TBCD: variants seen among roughly 807,000 people sequenced by gnomAD.
The protein encoded by TBCD is tubulin-specific chaperone D.
Under a neutral mutation model 169.3 loss-of-function variants are expected in TBCD, and 105 were observed. That is an observed-to-expected ratio of 0.62 (90% confidence interval 0.53 to 0.73). The LOEUF (loss-of-function observed/expected upper bound fraction) is 0.73. Ranked by LOEUF, TBCD falls within the 30% of genes least tolerant of loss-of-function variation. The probability of loss-of-function intolerance (pLI) is 0.00; values close to 1 mark genes in which losing one functional copy is unlikely to be tolerated. For missense variants in TBCD, 1,444 were observed against 1,600.1 expected (o/e 0.90, Z 1.66); for synonymous variants, 700 against 643.9 (o/e 1.09, Z -1.32).
In TBCD at chr17:82,752,105, T is replaced by A; in HGVS notation, c.-89T>A. ...CGCCTTAGCGGGCGCCTCCTTTTCATCCCTCATCCTTCATCCCTGGCTTTC... is the reference window on the plus strand; with the variant it reads ...CGCCTTAGCGGGCGCCTCCTTTTCAACCCTCATCCTTCATCCCTGGCTTTC... On this transcript the variant is annotated 5_prime_UTR_variant, in exon 1 of 39. Coordinates refer to ENST00000355528, the MANE Select transcript of TBCD (RefSeq NM_005993.5). The A allele has an allele frequency of 7.5e-7, 1 of 1,333,842 alleles. No individual in the cohort carries two copies. Among genetic ancestry groups the A allele is most frequent in the Non-Finnish European group, 9.7e-7 (1 of 1,030,562 alleles). The allele number at this position is 1,333,842 out of a possible 1,614,324, so 82.6% of individuals were successfully genotyped here. A position where few individuals can be genotyped will look rare whatever the true frequency, so the allele number is the denominator to read the frequency against.
chr17:82,806,622 A>T lies in TBCD; in HGVS notation c.1087+611A>T, dbSNP rs1021092008. ...CATGTCCCCTCCCTGTGAGGCCCCC[A>T]TCCTCCCAGTATCTCCCAGCTTCCT... On this transcript the variant is annotated intron_variant, in intron 10 of 38. Transcript: ENST00000355528. This position sits in a 1 kb window ranked among gnomAD's most constrained non-coding sequence, Gnocchi z 5.1. 2.1e-4 allele frequency among the ~76,000 whole-genome samples: 32 copies of T among 151,712 alleles called. No individual in the cohort carries two copies. Among genetic ancestry groups the T allele is most frequent in the African/African-American group, 7.5e-4 (31 of 41,276 alleles).
intron 37 of TBCD, among the ~76,000 whole-genome samples, chr17:82,940,517 A>G (rs1353684295): frequency 6.6e-6 from 1 of 152,132 alleles, no homozygotes; most frequent in Non-Finnish European, 1.5e-5. Context: ...TGACCTTCCA[A>G]CAGGGCTGGG....
intron 8 of TBCD, 26 bp downstream of exon 8, chr17:82,797,828 A>G: frequency 6.5e-7 from 1 of 1,548,668 alleles, no homozygotes; most frequent in Non-Finnish European, 8.7e-7. Context: ...AAGAGACGAT[A>G]TCTTTGTGAT....
At chr17:82,883,570 G>A (rs1296824058) in intron 14 of TBCD, among the ~76,000 whole-genome samples, 1 of 152,228 alleles carries the variant, frequency 6.6e-6, no homozygotes, top group African/African-American at 2.4e-5. Flanking sequence ...CTGCCACTCT[G>A]TGGAAGGGGC....
chr17:82,753,823 G>C lies in TBCD; in HGVS notation c.184+1446G>C, dbSNP rs1433134993. Among the ~76,000 whole-genome samples, 5 of 151,146 alleles carry C rather than the reference G, an allele frequency of 3.3e-5. No individual in the cohort carries two copies. The South Asian group carries it at 8.4e-4, about 25-fold the overall frequency. ...AGGGCAGGGGAGTTGCCATGGAGAA[G>C]ATTTAGTTCACGCAGAGCCGGTTGA... On this transcript the variant is annotated intron_variant, in intron 1 of 38. Coordinates refer to ENST00000355528, the MANE Select transcript of TBCD (RefSeq NM_005993.5).
Position 82,802,395 on chromosome 17 carries a change from C to G in TBCD, c.950+1399C>G, listed in dbSNP as rs542404844. 3.9e-5 allele frequency among the ~76,000 whole-genome samples: 6 copies of G among 152,238 alleles called. No individual in the cohort carries two copies. In the East Asian group the frequency reaches 1.2e-3, roughly 30 times the overall value. On this transcript the variant is annotated intron_variant, in intron 9 of 38. Coordinates refer to ENST00000355528, the MANE Select transcript of TBCD (RefSeq NM_005993.5). ...TGCAGTGTTGGGTGTGCAGCTCACT[C>G]TGTAGGAAGTTGCTCATTAGGCACA...
intron 13 of TBCD, chr17:82,830,681 C>T (rs759704231): frequency 1.2e-6 from 2 of 1,613,970 alleles, no homozygotes; most frequent in African/African-American, 2.7e-5. Context: ...TCCTGCAGCT[C>T]TGAGAAGCTG....
Position 82,868,217 on chromosome 17 carries a change from G to A in TBCD, c.1319-2007G>A, listed in dbSNP as rs546626198. On this transcript the variant is annotated intron_variant, in intron 13 of 38. Coordinates refer to ENST00000355528, the MANE Select transcript of TBCD (RefSeq NM_005993.5). ...ACCCAAGGAGAGGGCTGGCCATGGC[G>A]GGGGCACCACACCGGAGGACAGCTC... 2.0e-5 allele frequency among the ~76,000 whole-genome samples: 3 copies of A among 152,304 alleles called. 1 individual carries two copies. The highest frequency in any genetic ancestry group is 2.0e-4 in the Admixed American group (3 of 15,300).
At chr17:82,797,132 A>G (rs2144608151) in intron 7 of TBCD, among the ~76,000 whole-genome samples, 1 of 152,394 alleles carries the variant, frequency 6.6e-6, no homozygotes, top group South Asian at 2.1e-4. Flanking sequence ...ACTTTAAAGC[A>G]GAAGGTAAAA....
intron 13 of TBCD, among the ~76,000 whole-genome samples, chr17:82,822,537 G>A (rs1190112230): frequency 6.6e-6 from 1 of 152,182 alleles, no homozygotes; most frequent in Non-Finnish European, 1.5e-5. Context: ...GCACAGAAAA[G>A]CGCCTGGGGG....
intron 25 of TBCD, 70 bp downstream of exon 25, chr17:82,921,647 G>A: frequency 6.9e-7 from 1 of 1,449,038 alleles, no homozygotes; most frequent in Non-Finnish European, 9.7e-7. Context: ...GATGGTGTTT[G>A]TGTTGGCGAC....
chr17:82,941,354 T>TCC, intron 37 of TBCD, 45 bp from the exon 38 acceptor site: 1 of 1,522,994 alleles, frequency 6.6e-7, no homozygotes, highest in Non-Finnish European at 8.8e-7. Context: ...CCTGAGGTTC[T>TCC]CCGGTGGGCA....
At chr17:82,897,277 T>G (rs1220592712) in intron 17 of TBCD, among the ~76,000 whole-genome samples, 1 of 152,070 alleles carries the variant, frequency 6.6e-6, no homozygotes, top group Non-Finnish European at 1.5e-5. Context: ...GCCAGCACTT[T>G]GGGAGACCCA....
intron 22 of TBCD, among the ~76,000 whole-genome samples, chr17:82,909,941 G>T (rs1471815013): frequency 6.6e-6 from 1 of 152,188 alleles, no homozygotes; most frequent in Non-Finnish European, 1.5e-5. Flanking sequence ...GCTACCGAGG[G>T]TGTCACACAG....
chr17:82,807,665 A>AT lies in TBCD; in HGVS notation c.1145_1146insT (p.Lys382AsnfsTer5). On this transcript the variant is annotated frameshift_variant, in exon 11 of 39. Transcript: ENST00000355528. LOFTEE classifies it high-confidence loss of function. ...ACGGTCGTGCGGTGGTCTGCAGCCA[A>AT]GGGGTAGGTGTCTGTGGCCGCAGAA... 6.5e-7 allele frequency: 1 copy of AT among 1,537,418 alleles called. No homozygotes were observed. Among genetic ancestry groups the AT allele is most frequent in the East Asian group, 2.5e-5 (1 of 40,340 alleles).
chr17:82,806,045 G>A lies in TBCD; in HGVS notation c.1087+34G>A. ...GGTCTAAGCGGCGGCCTCTGCTCTTGGGCACCGTCGGGCCAATTCCCCTCT... is the reference window on the plus strand; with the variant it reads ...GGTCTAAGCGGCGGCCTCTGCTCTTAGGCACCGTCGGGCCAATTCCCCTCT... On this transcript the variant is annotated intron_variant, in intron 10 of 38. Coordinates refer to ENST00000355528, the MANE Select transcript of TBCD (RefSeq NM_005993.5). The surrounding 1 kb of genome is among the most constrained non-coding windows in gnomAD (Gnocchi z 5.1). 1.3e-6 allele frequency: 2 copies of A among 1,599,622 alleles called. No homozygotes were observed. The highest frequency in any genetic ancestry group is 1.7e-6 in the Non-Finnish European group (2 of 1,168,870).
chr17:82,797,692 T>C (rs2050197177), intron 7 of TBCD, 65 bp from the exon 8 acceptor site: 1 of 1,217,602 alleles, frequency 8.2e-7, no homozygotes, highest in Non-Finnish European at 1.1e-6. Flanking sequence ...TTTTCACAAT[T>C]TGTGTGTATG....
Position 82,840,953 on chromosome 17 carries a change from G to GTTTTTTT in TBCD, c.1318+26019_1318+26020insTTTTTTT, listed in dbSNP as rs755302623. The stretch of plus-strand genomic sequence containing the variant: ...ACGAGCTGGCCAGGACAGACAAACT[G>GTTTTTTT]GTTTTTTTTTTTTTTTTTTTTTTTT... On this transcript the variant is annotated intron_variant, in intron 13 of 38. Coordinates refer to ENST00000355528, the MANE Select transcript of TBCD (RefSeq NM_005993.5). Among the ~76,000 whole-genome samples the GTTTTTTT allele has an allele frequency of 2.0e-3, 142 of 70,548 alleles. 63 individuals are homozygous for GTTTTTTT. The highest frequency in any genetic ancestry group is 3.1e-3 in the African/African-American group (56 of 18,010). 46.3% of individuals were successfully genotyped at this position (70,548 alleles called of 152,430 possible).
intron 12 of TBCD, among the ~76,000 whole-genome samples, chr17:82,811,153 G>A (rs1192499570): frequency 6.6e-6 from 1 of 152,196 alleles, no homozygotes; most frequent in African/African-American, 2.4e-5. Flanking sequence ...CCTTTCTGGT[G>A]GTCATGGTGG....
Sources: allele counts gnomAD v4.1 joint callset (sites outside exome capture counted in the v4.1 genomes callset), GRCh38; gene constraint gnomAD v4.1.1; non-coding constraint Gnocchi (gnomAD v3.1); transcripts MANE v1.5; gene names NCBI Gene and HGNC (gene_info 2026-07-23, HGNC 2026-07-21).